Variants in PTPN12 observed in about 807,000 individuals in gnomAD.
PTPN12 encodes tyrosine-protein phosphatase non-receptor type 12.
PTPN12 carries 29 observed loss-of-function variants against 97.6 expected under a neutral mutation model. That is an observed-to-expected ratio of 0.30 (90% CI 0.22 to 0.41). The LOEUF (loss-of-function observed/expected upper bound fraction) is 0.41, where lower values mean the gene tolerates loss of function less well. PTPN12 is among the 10% of genes least tolerant of loss of function. The pLI, the probability that PTPN12 is intolerant of heterozygous loss-of-function variation, is 1.00. For missense variants in PTPN12, 819 were observed against 926.0 expected, an observed-to-expected ratio of 0.88 and a Z score of 1.50; for synonymous variants, 327 against 300.4, an observed-to-expected ratio of 1.09 and a Z score of -0.91.
chr7:77,566,573 G>A (rs370197004), intron 1 of PTPN12, among the ~76,000 whole-genome samples: 2 of 152,058 alleles, frequency 1.3e-5, no homozygotes, highest in African/African-American at 4.8e-5. Context: ...AATACAATTA[G>A]CCAGGCGTGG....
chr7:77,558,953 G>C (rs1401458169), intron 1 of PTPN12, among the ~76,000 whole-genome samples: 1 of 152,204 alleles, frequency 6.6e-6, no homozygotes, highest in Admixed American at 6.5e-5. Flanking sequence ...GTTCAAAGTT[G>C]CAGTGAGCCT....
chr7:77,635,699 G>A (rs1584229430), intron 14 of PTPN12, 83 bp from the exon 15 acceptor site: 1 of 774,612 alleles, frequency 1.3e-6, no homozygotes, highest in Middle Eastern at 4.0e-4. Context: ...AAAATCTTTA[G>A]GATCTGTTTT....
chr7:77,548,161 A>G (rs117311950), intron 1 of PTPN12, among the ~76,000 whole-genome samples: 1,856 of 152,356 alleles, frequency 0.012, 14 homozygotes, highest in Middle Eastern at 0.034. Context: ...TGACTAGATT[A>G]GTGTTTCTCA....
At position 77,550,052 on chromosome 7, in the gene PTPN12, C is replaced by G. The variant is rs1383345846; in HGVS notation, c.99+12407C>G. Reference sequence around the variant, plus strand: ...TGAATCATCTAAAATTTATGTGTTACTATATTCATTGTGTTTGCCTGGCTA... The same window carrying G: ...TGAATCATCTAAAATTTATGTGTTAGTATATTCATTGTGTTTGCCTGGCTA... On this transcript the variant is annotated intron_variant, in intron 1 of 17. Transcript: ENST00000248594. Among the ~76,000 whole-genome samples, 3 of 152,218 alleles carry G rather than the reference C, an allele frequency of 2.0e-5. No homozygotes were observed. In the East Asian group the frequency reaches 5.8e-4, roughly 29 times the overall value.
intron 4 of PTPN12, 106 bp downstream of exon 4, chr7:77,583,756 T>A (rs1020675507): frequency 1.5e-6 from 1 of 679,710 alleles, no homozygotes; most frequent in Non-Finnish European, 2.3e-6. Flanking sequence ...TCCATAATTA[T>A]GTTTACTTAT....
At chr7:77,559,059 C>CT (rs1807871466) in intron 1 of PTPN12, among the ~76,000 whole-genome samples, 3 of 152,180 alleles carry the variant, frequency 2.0e-5, no homozygotes, top group Non-Finnish European at 4.4e-5. Flanking sequence ...TGAACATCTA[C>CT]TTTTTTTCTG....
intron 16 of PTPN12, 152 bp from the exon 17 acceptor site, chr7:77,638,472 G>GTA (rs998963645): frequency 7.0e-5 from 85 of 1,207,010 alleles, no homozygotes; most frequent in Middle Eastern, 2.5e-4. Context: ...CACTACACTT[G>GTA]TATTTATATT....
At chr7:77,564,746 GT>G (rs764476553) in intron 1 of PTPN12, among the ~76,000 whole-genome samples, 42 of 45,386 alleles carry the variant, frequency 9.3e-4, no homozygotes, top group African/African-American at 2.7e-3. Context: ...TTGTTGTCGT[GT>G]TTTTTTTTTT....
At chr7:77,632,294 G>A in intron 13 of PTPN12, 54 bp from the exon 14 acceptor site, 2 of 1,303,184 alleles carry the variant, frequency 1.5e-6, no homozygotes, top group Non-Finnish European at 1.1e-6. Flanking sequence ...AAAGCTCTCT[G>A]ATTTTGTTTA....
At chr7:77,576,716 TGAA>T (rs1337736041) in intron 2 of PTPN12, among the ~76,000 whole-genome samples, 2 of 151,894 alleles carry the variant, frequency 1.3e-5, no homozygotes, top group Non-Finnish European at 1.5e-5. Context: ...AGAGCACCAA[TGAA>T]GAATATTAAA....
rs1789229860 is a variant in PTPN12, at chr7:77,627,304, A to G, written c.1625A>G (p.Glu542Gly). 4.3e-6 allele frequency: 7 copies of G among 1,614,180 alleles called. No homozygotes were observed. The highest frequency in any genetic ancestry group is 5.9e-6 in the Non-Finnish European group (7 of 1,180,014). ...GHVTWSFHGP[E>G]NAIPIPDLSE... ...GTAACGTGGTCATTTCATGGACCTG[A>G]AAATGCCATACCCATACCTGATTTA... Residue 542 changes from glutamate to glycine, a missense_variant, in exon 13 of 18, where the codon GAA (glutamate) becomes GGA (glycine). Glu to Gly is a moderately conservative substitution (Grantham distance 98). This residue lies in a region of PTPN12 where 607 missense variants were observed against 577.3 expected (regional missense o/e 1.05). Coordinates refer to ENST00000248594, the MANE Select transcript of PTPN12 (RefSeq NM_002835.4).
chr7:77,638,806 G>C (rs1023683295), intron 17 of PTPN12, 75 bp downstream of exon 17: 8 of 1,494,972 alleles, frequency 5.4e-6, no homozygotes, highest in Non-Finnish European at 7.1e-6. Flanking sequence ...TTGCCATTGT[G>C]AAATGACACT....
chr7:77,553,883 CT>C (rs1250568074), intron 1 of PTPN12, among the ~76,000 whole-genome samples: 1 of 148,684 alleles, frequency 6.7e-6, no homozygotes, highest in African/African-American at 2.5e-5. Flanking sequence ...GTTTTTCTGC[CT>C]TTTGCAGTTT....
intron 5 of PTPN12, among the ~76,000 whole-genome samples, chr7:77,588,334 A>G (rs1156450385): frequency 2.6e-5 from 4 of 152,170 alleles, no homozygotes; most frequent in South Asian, 4.1e-4. Context: ...GTCTCAGGAA[A>G]TAGGAAAGCC....
At chr7:77,629,186 T>C (rs1789309341) in intron 13 of PTPN12, among the ~76,000 whole-genome samples, 1 of 152,148 alleles carries the variant, frequency 6.6e-6, no homozygotes. Context: ...CCTGACCTCG[T>C]GATCCGCCCA....
intron 3 of PTPN12, among the ~76,000 whole-genome samples, chr7:77,582,168 C>T (rs1787542219): frequency 7.5e-6 from 1 of 133,066 alleles, no homozygotes; most frequent in Admixed American, 8.4e-5. Flanking sequence ...TATCTCGGCT[C>T]ACTGCAAGCT....
At position 77,597,847 on chromosome 7, in the gene PTPN12, T is replaced by G; in HGVS notation, c.498T>G (p.Asp166Glu). ...AAATGTTTCTCTTTATTTAGGAGGA[T>G]GAACAAGCAAGAACAGACTACTTCA... ...TFAPFKISCEDEQARTDYFIR... is the reference protein window; with the variant it reads ...TFAPFKISCEEEQARTDYFIR... The change falls in exon 7 of 18, where the codon GAT (aspartate) becomes GAG (glutamate). Residue 166 changes from aspartate to glutamate, a missense_variant. This residue lies in a region of PTPN12 where 45 missense variants were observed against 52.0 expected (regional missense o/e 0.87). Coordinates refer to ENST00000248594, the MANE Select transcript of PTPN12 (RefSeq NM_002835.4). The G allele has an allele frequency of 6.2e-7, 1 of 1,610,060 alleles. No individual in the cohort carries two copies. The highest frequency in any genetic ancestry group is 8.5e-7 in the Non-Finnish European group (1 of 1,178,438).
Position 77,630,252 on chromosome 7 carries a change from A to T in PTPN12, c.1997-2096A>T, listed in dbSNP as rs12539398. On this transcript the variant is annotated intron_variant, in intron 13 of 17. Coordinates refer to ENST00000248594, the MANE Select transcript of PTPN12 (RefSeq NM_002835.4). ...TAGATTATTATTTCCTTTGTAGATC[A>T]TTATCTTATAGAGCCATTGGCACCA... Among the ~76,000 whole-genome samples the T allele has an allele frequency of 6.2e-3, 940 of 152,248 alleles. 5 individuals carry two copies. The highest frequency in any genetic ancestry group is 0.037 in the Middle Eastern group (11 of 294).
chr7:77,605,492 T>C (rs892721848), intron 8 of PTPN12, among the ~76,000 whole-genome samples: 24 of 138,818 alleles, frequency 1.7e-4, no homozygotes, highest in Non-Finnish European at 3.0e-5. Context: ...TGATCTCAGC[T>C]CACTGCAACC....
Sources: allele counts gnomAD v4.1 joint callset (sites outside exome capture counted in the v4.1 genomes callset), GRCh38; gene constraint gnomAD v4.1.1; regional missense constraint gnomAD v4.1.1; transcripts MANE v1.5; gene names NCBI Gene and HGNC (gene_info 2026-07-23, HGNC 2026-07-21).